The following KCNH1 variants were observed in gnomAD, a reference collection of about 807,000 sequenced individuals.
KCNH1 encodes the protein potassium voltage-gated channel subfamily H member 1.
A neutral mutation model predicts 69.2 loss-of-function variants in KCNH1; 27 were observed. The observed-to-expected ratio is 0.39, with a 90% CI of 0.29 to 0.54. The LOEUF is 0.54. KCNH1 is among the 20% of genes least tolerant of loss of function. The probability of loss-of-function intolerance (pLI) is 0.68; values close to 1 mark genes in which losing one functional copy is unlikely to be tolerated. For synonymous variants in KCNH1, 456 were observed against 487.7 expected, an observed-to-expected ratio of 0.93 and a Z score of 0.86; for missense variants, 798 against 1,261.6, an observed-to-expected ratio of 0.63 and a Z score of 5.57.
chr1:210,798,466 G>A (rs963178909), intron 8 of KCNH1, among the ~76,000 whole-genome samples: 1 of 152,182 alleles, frequency 6.6e-6, no homozygotes, highest in Non-Finnish European at 1.5e-5. Context: ...AAGGAGTGAG[G>A]GCAAAGGGGC....
intron 6 of KCNH1, among the ~76,000 whole-genome samples, chr1:211,006,564 C>T (rs942105044): frequency 2.0e-5 from 3 of 149,278 alleles, no homozygotes; most frequent in Non-Finnish European, 2.9e-5. Flanking sequence ...TGACTAGGAA[C>T]GATGAGGGAT....
intron 10 of KCNH1, among the ~76,000 whole-genome samples, chr1:210,712,836 G>A (rs1382873075): frequency 2.0e-5 from 3 of 152,144 alleles, no homozygotes; most frequent in African/African-American, 7.2e-5. Context: ...ACAAGTCTTG[G>A]AATTTTAGTC....
At chr1:210,985,765 T>G (rs1166967312) in intron 6 of KCNH1, among the ~76,000 whole-genome samples, 1 of 152,192 alleles carries the variant, frequency 6.6e-6, no homozygotes, top group Non-Finnish European at 1.5e-5. Flanking sequence ...TTCTGTTGAG[T>G]CGGGGTGGAG....
chr1:210,803,385 A>T (rs1558476260), intron 8 of KCNH1, among the ~76,000 whole-genome samples: 1 of 152,222 alleles, frequency 6.6e-6, no homozygotes, highest in Non-Finnish European at 1.5e-5. Context: ...TACAGGCATG[A>T]GCCGCTGCAT....
chr1:210,839,657 G>C (rs1210788263), intron 7 of KCNH1, among the ~76,000 whole-genome samples: 3 of 152,122 alleles, frequency 2.0e-5, no homozygotes, highest in Non-Finnish European at 4.4e-5. Flanking sequence ...AAATAGAATA[G>C]CCTTTTTGAG....
chr1:211,022,979 T>TG (rs1689614201), intron 5 of KCNH1, among the ~76,000 whole-genome samples: 1 of 151,774 alleles, frequency 6.6e-6, no homozygotes, highest in African/African-American at 2.4e-5. Flanking sequence ...GGCATGGTGG[T>TG]GGATACCTGT....
At chr1:210,859,225 T>C (rs1685921400) in intron 7 of KCNH1, 1 of 1,612,384 alleles carries the variant, frequency 6.2e-7, no homozygotes, top group Admixed American at 1.7e-5. Flanking sequence ...TTGGCACAAC[T>C]GGAGCACTGA....
intron 5 of KCNH1, among the ~76,000 whole-genome samples, chr1:211,023,306 G>A (rs1689624230): frequency 6.6e-6 from 1 of 151,742 alleles, no homozygotes; most frequent in Non-Finnish European, 1.5e-5. Flanking sequence ...AATCCCATTG[G>A]TGGGTATATA....
chr1:211,008,124 T>A (rs1689319341), intron 6 of KCNH1, among the ~76,000 whole-genome samples: 1 of 152,206 alleles, frequency 6.6e-6, no homozygotes, highest in Non-Finnish European at 1.5e-5. Flanking sequence ...AGCAACATTA[T>A]TCATAATCGC....
intron 10 of KCNH1, among the ~76,000 whole-genome samples, chr1:210,764,474 T>C (rs541746438): frequency 6.6e-6 from 1 of 152,200 alleles, no homozygotes; most frequent in South Asian, 2.1e-4. Flanking sequence ...ATGCATCTGA[T>C]AAAGAACTAA....
intron 7 of KCNH1, among the ~76,000 whole-genome samples, chr1:210,809,739 G>A (rs2102413741): frequency 6.6e-6 from 1 of 152,322 alleles, no homozygotes; most frequent in East Asian, 1.9e-4. Flanking sequence ...TCACAAAAGG[G>A]AGGAGCAGCA....
At chr1:211,123,238 G>A (rs1215127232) in intron 1 of KCNH1, among the ~76,000 whole-genome samples, 3 of 152,086 alleles carry the variant, frequency 2.0e-5, no homozygotes, top group Admixed American at 1.3e-4. Context: ...GGAGTGGACC[G>A]CTGGCCAAAC....
At chr1:210,872,605 C>A (rs1686277426) in intron 7 of KCNH1, among the ~76,000 whole-genome samples, 2 of 152,150 alleles carry the variant, frequency 1.3e-5, no homozygotes, top group South Asian at 4.1e-4. Flanking sequence ...AACTTACAAT[C>A]ATGGCAAAAG....
intron 9 of KCNH1, among the ~76,000 whole-genome samples, chr1:210,788,621 C>T (rs1173552954): frequency 6.6e-6 from 1 of 151,088 alleles, no homozygotes; most frequent in African/African-American, 2.4e-5. Context: ...GTAATGTGTG[C>T]ACTACCTGAT....
chr1:210,793,784 T>G (rs1684255101), intron 9 of KCNH1, among the ~76,000 whole-genome samples: 1 of 152,242 alleles, frequency 6.6e-6, no homozygotes, highest in Non-Finnish European at 1.5e-5. Flanking sequence ...GCATATTTTC[T>G]GTCCTCTTTA....
chr1:210,837,170 T>C (rs537999998), intron 7 of KCNH1, among the ~76,000 whole-genome samples: 5 of 152,304 alleles, frequency 3.3e-5, no homozygotes, highest in African/African-American at 1.2e-4. Flanking sequence ...GTCCAGAACA[T>C]CTTCCTATTC....
chr1:211,110,887 T>G (rs1451523104), intron 1 of KCNH1, among the ~76,000 whole-genome samples: 1 of 152,172 alleles, frequency 6.6e-6, no homozygotes, highest in Non-Finnish European at 1.5e-5. Flanking sequence ...ATAGCTCTAA[T>G]GCATGTTATT....
intron 6 of KCNH1, among the ~76,000 whole-genome samples, chr1:210,986,536 C>T (rs1248674537): frequency 1.3e-5 from 2 of 152,142 alleles, no homozygotes; most frequent in African/African-American, 4.8e-5. Context: ...TTCTCCTTCA[C>T]TTATGAAGCT....
chr1:210,783,741 C>T (rs543848183), intron 9 of KCNH1, among the ~76,000 whole-genome samples: 1 of 152,260 alleles, frequency 6.6e-6, no homozygotes, highest in Admixed American at 6.5e-5. Context: ...CCACACCAGC[C>T]CTCTTACACC....
Sources: allele counts gnomAD v4.1 joint callset (sites outside exome capture counted in the v4.1 genomes callset), GRCh38; gene constraint gnomAD v4.1.1; transcripts MANE v1.5; gene names NCBI Gene and HGNC (gene_info 2026-07-23, HGNC 2026-07-21).